Variants in FHIT observed in about 807,000 individuals in gnomAD.
FHIT encodes bis(5'-adenosyl)-triphosphatase.
A neutral mutation model predicts 17.9 loss-of-function variants in FHIT; 19 were observed. The ratio of observed to expected loss-of-function variants is 1.06; its 90% confidence interval spans 0.74 to 1.56. FHIT has a LOEUF of 1.56. Ranked by LOEUF, FHIT falls within the 40% of genes most tolerant of loss-of-function variation. The pLI is 0.00. For missense variants in FHIT, 248 were observed against 189.2 expected, an observed-to-expected ratio of 1.31 and a Z score of -1.82; for synonymous variants, 81 against 69.7, an observed-to-expected ratio of 1.16 and a Z score of -0.81.
chr3:59,910,682 A>T (rs1264213719), intron 8 of FHIT, among the ~76,000 whole-genome samples: 1 of 152,140 alleles, frequency 6.6e-6, no homozygotes, highest in Non-Finnish European at 1.5e-5. Flanking sequence ...AACAACAACA[A>T]CAAACAAAAG....
At chr3:61,078,310 C>T (rs890265377) in intron 2 of FHIT, among the ~76,000 whole-genome samples, 5 of 152,098 alleles carry the variant, frequency 3.3e-5, no homozygotes, top group South Asian at 2.1e-4. Flanking sequence ...ATCGCTCTAA[C>T]AAGAGAGGCA....
At chr3:59,931,656 A>G (rs2107230634) in intron 7 of FHIT, among the ~76,000 whole-genome samples, 1 of 152,298 alleles carries the variant, frequency 6.6e-6, no homozygotes, top group East Asian at 1.9e-4. Flanking sequence ...TCGAGGAAAA[A>G]AATAAAATAA....
At chr3:60,210,447 T>A (rs1486621007) in intron 5 of FHIT, among the ~76,000 whole-genome samples, 1 of 152,098 alleles carries the variant, frequency 6.6e-6, no homozygotes, top group Admixed American at 6.6e-5. Context: ...AAAACATGGA[T>A]ACCAGTGATT....
intron 5 of FHIT, among the ~76,000 whole-genome samples, chr3:60,244,363 T>G (rs1433789131): frequency 6.6e-6 from 1 of 152,046 alleles, no homozygotes; most frequent in Non-Finnish European, 1.5e-5. Context: ...AATTGTCACT[T>G]TCTAAAAATA....
chr3:60,607,614 C>T (rs1294389357), intron 4 of FHIT, among the ~76,000 whole-genome samples: 1 of 152,024 alleles, frequency 6.6e-6, no homozygotes, highest in African/African-American at 2.4e-5. Context: ...CAATTTCCCA[C>T]ACCACATGCG....
chr3:61,068,180 T>C (rs1290578620), intron 2 of FHIT, among the ~76,000 whole-genome samples: 4 of 152,220 alleles, frequency 2.6e-5, no homozygotes, highest in African/African-American at 7.2e-5. Flanking sequence ...TATCTTACTA[T>C]TCTGTGGGTC....
chr3:59,769,327 G>A (rs1183032251), intron 8 of FHIT, among the ~76,000 whole-genome samples: 3 of 152,162 alleles, frequency 2.0e-5, no homozygotes, highest in Non-Finnish European at 2.9e-5. Context: ...CCATGGTCAC[G>A]TGCCCTCTCT....
At chr3:60,906,311 A>G (rs1706413580) in intron 3 of FHIT, among the ~76,000 whole-genome samples, 2 of 152,252 alleles carry the variant, frequency 1.3e-5, no homozygotes, top group South Asian at 4.1e-4. Flanking sequence ...TAAAGGAGAT[A>G]CAAATATGAA....
At chr3:59,790,584 T>C (rs1409829498) in intron 8 of FHIT, among the ~76,000 whole-genome samples, 1 of 152,152 alleles carries the variant, frequency 6.6e-6, no homozygotes, top group African/African-American at 2.4e-5. Flanking sequence ...TGATATTGAT[T>C]GATTGTAGGA....
At chr3:60,501,209 T>C (rs988320532) in intron 5 of FHIT, among the ~76,000 whole-genome samples, 4 of 152,190 alleles carry the variant, frequency 2.6e-5, no homozygotes, top group African/African-American at 9.6e-5. Flanking sequence ...TTTTCAGGGA[T>C]GACTTGAAGT....
At chr3:61,231,102 T>G (rs2040088352) in intron 1 of FHIT, among the ~76,000 whole-genome samples, 1 of 152,220 alleles carries the variant, frequency 6.6e-6, no homozygotes, top group Non-Finnish European at 1.5e-5. Flanking sequence ...AATGTTATCA[T>G]GAAGAGAAAT....
intron 7 of FHIT, among the ~76,000 whole-genome samples, chr3:60,008,319 T>C (rs1411032978): frequency 6.6e-6 from 1 of 152,138 alleles, no homozygotes; most frequent in African/African-American, 2.4e-5. Flanking sequence ...ATGGCAGGGT[T>C]CTACTCCTTT....
At chr3:60,664,639 A>T (rs570215852) in intron 4 of FHIT, among the ~76,000 whole-genome samples, 2 of 150,940 alleles carry the variant, frequency 1.3e-5, no homozygotes, top group East Asian at 3.9e-4. Context: ...TTTAATTATT[A>T]ATTCAATTTT....
intron 5 of FHIT, among the ~76,000 whole-genome samples, chr3:60,150,072 T>G (rs560442580): frequency 6.6e-5 from 9 of 136,646 alleles, no homozygotes; most frequent in Non-Finnish European, 1.2e-4. Context: ...CTCAGCTCAC[T>G]GCAACCTCTG....
intron 5 of FHIT, among the ~76,000 whole-genome samples, chr3:60,134,464 T>A (rs2107277598): frequency 6.6e-6 from 1 of 152,338 alleles, no homozygotes; most frequent in South Asian, 2.1e-4. Context: ...TCACAGTTTC[T>A]GGGCGTGGGG....
At chr3:60,640,247 G>C (rs1469509880) in intron 4 of FHIT, among the ~76,000 whole-genome samples, 2 of 152,012 alleles carry the variant, frequency 1.3e-5, no homozygotes, top group Non-Finnish European at 2.9e-5. Flanking sequence ...CTCAATGAAT[G>C]AATTTTACAT....
At chr3:60,062,964 T>A (rs935546724) in intron 5 of FHIT, among the ~76,000 whole-genome samples, 1 of 151,744 alleles carries the variant, frequency 6.6e-6, no homozygotes, top group Non-Finnish European at 1.5e-5. Context: ...AGGAGAAGAG[T>A]CAACTGAGGA....
At chr3:61,025,296 A>G (rs1415208886) in intron 3 of FHIT, among the ~76,000 whole-genome samples, 1 of 152,190 alleles carries the variant, frequency 6.6e-6, no homozygotes, top group Non-Finnish European at 1.5e-5. Flanking sequence ...TAAACGTTTC[A>G]CTGATTGTGG....
In FHIT at chr3:60,899,598, G is replaced by A. The variant is rs574916699; in HGVS notation, c.-110-77587C>T. Among the ~76,000 whole-genome samples, 20 of 152,262 alleles carry A rather than the reference G, an allele frequency of 1.3e-4. No homozygotes were observed. The East Asian group carries it at 2.7e-3, about 21-fold the overall frequency. Reference sequence around the variant, plus strand: ...GCTCCTAAAACTGGAGCCAAAGGCCGGGGTTCATGGAGCTCTTGTCACATC... The same window carrying A: ...GCTCCTAAAACTGGAGCCAAAGGCCAGGGTTCATGGAGCTCTTGTCACATC... On this transcript the variant is annotated intron_variant, in intron 3 of 9. Coordinates refer to ENST00000492590, the MANE Select transcript of FHIT (RefSeq NM_002012.4).
Sources: gnomAD v4.1 joint callset for allele counts (sites outside exome capture counted in the v4.1 genomes callset) on GRCh38, gnomAD v4.1.1 for gene constraint, MANE v1.5 for transcripts, NCBI Gene and HGNC (gene_info 2026-07-23, HGNC 2026-07-21) for gene names.